Variants in ETS1 observed in about 807,000 individuals in gnomAD.
The protein encoded by ETS1 is ETS proto-oncogene 1, transcription factor.
A neutral mutation model predicts 58.6 loss-of-function variants in ETS1; 15 were observed. That is an observed-to-expected ratio of 0.26 (90% CI 0.17 to 0.39). ETS1 has a LOEUF of 0.39. ETS1 is among the 10% of genes least tolerant of loss of function. The probability of loss-of-function intolerance (pLI) is 1.00; values close to 1 mark genes in which losing one functional copy is unlikely to be tolerated. For missense variants in ETS1, 417 were observed against 610.5 expected (o/e 0.68, Z 3.34); for synonymous variants, 214 against 218.2 (o/e 0.98, Z 0.17).
chr11:128,485,996 G>T, intron 6 of ETS1, 73 bp downstream of exon 6: 1 of 845,376 alleles, frequency 1.2e-6, no homozygotes, highest in Non-Finnish European at 2.0e-6. Flanking sequence ...GAAGGAGCCT[G>T]AGATTCACTG....
intron 3 of ETS1, among the ~76,000 whole-genome samples, chr11:128,546,744 G>T (rs55761001): frequency 2.6e-5 from 4 of 152,292 alleles, no homozygotes; most frequent in Non-Finnish European, 5.9e-5. Context: ...TTTGCAGGGG[G>T]GAAGGTGTTA....
At chr11:128,480,676 C>T (rs143230785) in intron 7 of ETS1, among the ~76,000 whole-genome samples, 1 of 152,262 alleles carries the variant, frequency 6.6e-6, no homozygotes, top group Non-Finnish European at 1.5e-5. Flanking sequence ...CACTCTGCTG[C>T]CTGGTTTGAG....
intron 2 of ETS1, among the ~76,000 whole-genome samples, chr11:128,571,513 A>AGCCTGGACG (rs1864632552): frequency 0.085 from 456 of 5,392 alleles, 109 homozygotes; most frequent in African/African-American, 0.32. Context: ...AAAAAAAAAA[A>AGCCTGGACG]AAAAAAAAAA....
chr11:128,506,764 G>C (rs774352357), intron 3 of ETS1, among the ~76,000 whole-genome samples: 62 of 152,114 alleles, frequency 4.1e-4, no homozygotes, highest in Admixed American at 9.2e-4. Context: ...GGCTGGGCAC[G>C]GGCCATTTCC....
chr11:128,494,151 T>C (rs574279047), intron 3 of ETS1, among the ~76,000 whole-genome samples: 1 of 152,380 alleles, frequency 6.6e-6, no homozygotes, highest in South Asian at 2.1e-4. Context: ...TGCTAATAAT[T>C]ACAATATCTT....
At chr11:128,521,956 G>A in intron 3 of ETS1, 2 of 1,607,568 alleles carry the variant, frequency 1.2e-6, no homozygotes, top group Non-Finnish European at 1.7e-6. Context: ...CCGTCTTGAT[G>A]ATGGTGAGAG....
intron 1 of ETS1, among the ~76,000 whole-genome samples, chr11:128,584,904 G>T (rs986178380): frequency 7.5e-6 from 1 of 134,118 alleles, no homozygotes; most frequent in Admixed American, 8.1e-5. Flanking sequence ...AGAAAGGAGG[G>T]GAGAGAAAAG....
At chr11:128,501,543 GCC>G (rs1863088890) in intron 3 of ETS1, among the ~76,000 whole-genome samples, 1 of 152,138 alleles carries the variant, frequency 6.6e-6, no homozygotes, top group African/African-American at 2.4e-5. Context: ...CATCCTATTA[GCC>G]ATCATTCTCA....
At chr11:128,496,510 A>G (rs1330384850) in intron 3 of ETS1, among the ~76,000 whole-genome samples, 2 of 152,184 alleles carry the variant, frequency 1.3e-5, no homozygotes, top group Non-Finnish European at 2.9e-5. Flanking sequence ...TTTAGGAGAT[A>G]AGGTGCCTTT....
chr11:128,500,448 G>A (rs1863058218), intron 3 of ETS1, among the ~76,000 whole-genome samples: 1 of 151,414 alleles, frequency 6.6e-6, no homozygotes, highest in Non-Finnish European at 1.5e-5. Flanking sequence ...TTTTTCCAAT[G>A]GGAAAAAGTC....
At chr11:128,523,885 A>G (rs1191840465) in intron 3 of ETS1, among the ~76,000 whole-genome samples, 1 of 152,070 alleles carries the variant, frequency 6.6e-6, no homozygotes, top group African/African-American at 2.4e-5. Flanking sequence ...CAGCTGATGA[A>G]TGAATTGTAC....
chr11:128,545,269 G>A (rs1012479902), intron 3 of ETS1, among the ~76,000 whole-genome samples: 1 of 152,140 alleles, frequency 6.6e-6, no homozygotes, highest in Non-Finnish European at 1.5e-5. Context: ...AATTTTCATG[G>A]GTCTCTGCTT....
At chr11:128,530,731 C>T (rs970053019) in intron 3 of ETS1, among the ~76,000 whole-genome samples, 6 of 152,156 alleles carry the variant, frequency 3.9e-5, no homozygotes, top group Non-Finnish European at 8.8e-5. Flanking sequence ...GCAGTCAGCG[C>T]TCTCATGGCA....
At chr11:128,550,101 T>C (rs1025999898) in intron 3 of ETS1, among the ~76,000 whole-genome samples, 2 of 152,114 alleles carry the variant, frequency 1.3e-5, no homozygotes, top group Non-Finnish European at 2.9e-5. Flanking sequence ...GTATTTCACC[T>C]GTGAAAGGTG....
Position 128,459,120 on chromosome 11 carries a change from G to GAAGTATA in ETS1, c.*3240_*3241insTATACTT, listed in dbSNP as rs1487609501. 3 of 148,026 alleles carry GAAGTATA rather than the reference G, an allele frequency of 2.0e-5. No individual in the cohort carries two copies. Among genetic ancestry groups the GAAGTATA allele is most frequent in the Non-Finnish European group, 4.5e-5 (3 of 67,240 alleles). The allele number at this position is 148,026 out of a possible 1,614,324, so 9.2% of individuals were successfully genotyped here. ...ATCTTTTTCATCCCTATACTTCTCA[G>GAAGTATA]CTTAAAAAAAAAGTATTCTTAAAAA... On this transcript the variant is annotated 3_prime_UTR_variant, in exon 10 of 10. Coordinates refer to ENST00000392668, the MANE Select transcript of ETS1 (RefSeq NM_001143820.2).
At chr11:128,497,312 T>C (rs1431246870) in intron 3 of ETS1, among the ~76,000 whole-genome samples, 1 of 152,182 alleles carries the variant, frequency 6.6e-6, no homozygotes, top group African/African-American at 2.4e-5. Context: ...TCAGAGGAGA[T>C]GCCTCTCCCC....
rs1861895966 is a variant in ETS1, at chr11:128,461,173, G to A, written c.*1188C>T. On this transcript the variant is annotated 3_prime_UTR_variant, in exon 10 of 10. Transcript: ENST00000392668. ...CGGTGAGGGGGTGCAAAAAATGGAG[G>A]ACTCTTGGAAAATAAGACATAAAAG... The A allele has an allele frequency of 6.5e-6, 1 of 152,730 alleles. No individual in the cohort carries two copies. Among genetic ancestry groups the A allele is most frequent in the Non-Finnish European group, 1.5e-5 (1 of 68,052 alleles). 9.5% of individuals were successfully genotyped at this position (152,730 alleles called of 1,614,324 possible).
chr11:128,481,376 T>C (rs1464139297), intron 7 of ETS1, among the ~76,000 whole-genome samples: 1 of 150,044 alleles, frequency 6.7e-6, no homozygotes, highest in Admixed American at 6.7e-5. Flanking sequence ...GCACAATAGC[T>C]CCTGGAGAAA....
At chr11:128,497,045 T>C (rs1010114700) in intron 3 of ETS1, among the ~76,000 whole-genome samples, 1 of 152,164 alleles carries the variant, frequency 6.6e-6, no homozygotes, top group Admixed American at 6.5e-5. Flanking sequence ...CTATGAGACC[T>C]GGAAGAGACT....
Sources: gnomAD v4.1 joint callset for allele counts (sites outside exome capture counted in the v4.1 genomes callset) on GRCh38, gnomAD v4.1.1 for gene constraint, MANE v1.5 for transcripts, NCBI Gene and HGNC (gene_info 2026-07-23, HGNC 2026-07-21) for gene names.